The following CAPN10 variants were observed in gnomAD, a reference collection of about 807,000 sequenced individuals.
The protein encoded by CAPN10 is calpain-10.
A neutral mutation model predicts 78.4 loss-of-function variants in CAPN10; 71 were observed. The observed-to-expected ratio is 0.91, with a 90% CI of 0.75 to 1.10. The LOEUF is 1.10. Among genes scored for constraint, CAPN10 ranks in the 50% least tolerant of loss-of-function variants. CAPN10 has a pLI of 0.00. For missense variants in CAPN10, 849 were observed against 924.6 expected (o/e 0.92, Z 1.06); for synonymous variants, 437 against 407.2 (o/e 1.07, Z -0.88).
chr2:240,596,653 C>T lies in CAPN10; in HGVS notation c.1482-28C>T, dbSNP rs777520933. The T allele has an allele frequency of 8.8e-5, 134 of 1,530,652 alleles. 1 individual carries two copies. Among genetic ancestry groups the T allele is most frequent in the Non-Finnish European group, 1.1e-4 (128 of 1,139,260 alleles). 94.8% of individuals were successfully genotyped at this position (1,530,652 alleles called of 1,614,324 possible). On this transcript the variant is annotated intron_variant, in intron 8 of 11. Coordinates refer to ENST00000391984, the MANE Select transcript of CAPN10 (RefSeq NM_023083.4). ...GAGGCCACCGGGAACCTGCTGCCAG[C>T]GCCCTCCCATGTTTGTCTTCTTGGC...
intron 1 of CAPN10, among the ~76,000 whole-genome samples, chr2:240,588,803 C>T (rs895291455): frequency 1.1e-4 from 16 of 152,070 alleles, no homozygotes; most frequent in Non-Finnish European, 7.4e-5. Flanking sequence ...GGATTCTGCC[C>T]GGGGAGCTGG....
chr2:240,595,985 A>G (rs895486447), intron 7 of CAPN10: 5 of 1,395,492 alleles, frequency 3.6e-6, no homozygotes, highest in East Asian at 3.8e-5. Context: ...GATGTGGCCC[A>G]CATGATGTTC....
rs770561004 is a variant in CAPN10, at chr2:240,595,333, G to A, written c.1278+29G>A. 50 of 1,604,308 alleles carry A rather than the reference G, an allele frequency of 3.1e-5. No individual in the cohort carries two copies. The Middle Eastern group carries it at 2.6e-3, about 85-fold the overall frequency. On this transcript the variant is annotated intron_variant, in intron 7 of 11. Coordinates refer to ENST00000391984, the MANE Select transcript of CAPN10 (RefSeq NM_023083.4). ...ACTCAGCCCCGTCTGGCTCACGCTC[G>A]GTTCAGCAGGTGGTGTGGAGGCCCA...
chr2:240,590,389 A>G (rs1173043136), intron 2 of CAPN10: 1 of 156,840 alleles, frequency 6.4e-6, no homozygotes, highest in South Asian at 1.9e-4. Flanking sequence ...TGGGTCACTC[A>G]TGCCCTTGAA....
Position 240,598,729 on chromosome 2 carries a change from A to C in CAPN10, c.*49A>C. On this transcript the variant is annotated 3_prime_UTR_variant, in exon 12 of 12. Coordinates refer to ENST00000391984, the MANE Select transcript of CAPN10 (RefSeq NM_023083.4). ...CAGGTGACTGGAGCCCGAGGGCCTG[A>C]CAGGTTCCCAGCAGCTGGGCCGGCC... 6.5e-7 allele frequency: 1 copy of C among 1,533,732 alleles called. No individual in the cohort carries two copies. Among genetic ancestry groups the C allele is most frequent in the Non-Finnish European group, 8.9e-7 (1 of 1,129,284 alleles).
In CAPN10 at chr2:240,595,973, T is replaced by C. The variant is rs7607572; in HGVS notation, c.1279-346T>C. ...CACCACACTGTTCCCTGTCCCTTCATGGATGTGGCCCACATGATGTTCCTT... is the reference window on the plus strand; with the variant it reads ...CACCACACTGTTCCCTGTCCCTTCACGGATGTGGCCCACATGATGTTCCTT... On this transcript the variant is annotated intron_variant, in intron 7 of 11. Coordinates refer to ENST00000391984, the MANE Select transcript of CAPN10 (RefSeq NM_023083.4). The C allele has an allele frequency of 3.8e-3, 5,194 of 1,375,268 alleles. 146 individuals carry two copies. In the African/African-American group the frequency reaches 0.063, roughly 17 times the overall value. 85.2% of individuals were successfully genotyped at this position (1,375,268 alleles called of 1,614,324 possible). A position where few individuals can be genotyped will look rare whatever the true frequency, so the allele number is the denominator to read the frequency against.
chr2:240,592,267 G>A, intron 4 of CAPN10, 117 bp downstream of exon 4: 1 of 883,022 alleles, frequency 1.1e-6, no homozygotes, highest in South Asian at 1.6e-5. Flanking sequence ...GACTAAGTGG[G>A]AAGAAGTAAG....
chr2:240,590,849 A>G lies in CAPN10; in HGVS notation c.308A>G (p.Gln103Arg), dbSNP rs2093097323. 1 of 1,614,074 alleles carries G rather than the reference A, an allele frequency of 6.2e-7. No homozygotes were observed. The highest frequency in any genetic ancestry group is 8.5e-7 in the Non-Finnish European group (1 of 1,180,032). The change falls in exon 3 of 12, where the codon CAG (glutamine) becomes CGG (arginine). Residue 103 changes from glutamine (Q) to arginine (R), a missense_variant. By Grantham distance (43) the Gln-to-Arg change is conservative (BLOSUM62 1). Coordinates refer to ENST00000391984, the MANE Select transcript of CAPN10 (RefSeq NM_023083.4). ...CCGGGACAGCCGAGCTGGGCCGACC[A>G]GGAGTACCGGGGCTCCTTCACCTGT... ...IPPGQPSWADQEYRGSFTCRI... is the reference protein window; with the variant it reads ...IPPGQPSWADREYRGSFTCRI...
At position 240,598,638 on chromosome 2, in the gene CAPN10, T is replaced by C; in HGVS notation, c.1990-13T>C. 6.3e-7 allele frequency: 1 copy of C among 1,574,898 alleles called. No individual in the cohort carries two copies. The highest frequency in any genetic ancestry group is 8.6e-7 in the Non-Finnish European group (1 of 1,160,574). ...GTGCCACCGCTGCCCGGGCCCCCCA[T>C]CTGTCTTTGCAGGTCTCCATCATGG... On this transcript the variant is annotated splice_polypyrimidine_tract_variant and intron_variant, in intron 11 of 11. Coordinates refer to ENST00000391984, the MANE Select transcript of CAPN10 (RefSeq NM_023083.4).
intron 9 of CAPN10, among the ~76,000 whole-genome samples, chr2:240,597,632 G>A (rs1213329705): frequency 6.6e-6 from 1 of 152,210 alleles, no homozygotes; most frequent in Non-Finnish European, 1.5e-5. Context: ...CCTTGGGGCG[G>A]GCTGGGCAGT....
At chr2:240,596,062 C>A in intron 7 of CAPN10, 1 of 1,522,722 alleles carries the variant, frequency 6.6e-7, no homozygotes, top group Non-Finnish European at 8.8e-7. Flanking sequence ...GCCTGGGCCA[C>A]GGTGCCTTTG....
At chr2:240,597,064 C>T (rs543450407) in intron 9 of CAPN10, 122 bp downstream of exon 9, 70 of 1,235,252 alleles carry the variant, frequency 5.7e-5, no homozygotes, top group Admixed American at 1.8e-4. Context: ...CCCTGCCCTT[C>T]GAGGCGCTGC....
At chr2:240,592,244 A>C in intron 4 of CAPN10, 94 bp downstream of exon 4, 1 of 1,093,268 alleles carries the variant, frequency 9.1e-7, no homozygotes, top group Admixed American at 2.1e-5. Flanking sequence ...GACTGGCTAC[A>C]CAGCCCTGTC....
chr2:240,591,551 C>G (rs1559424068), intron 3 of CAPN10: 3 of 281,320 alleles, frequency 1.1e-5, no homozygotes, highest in Non-Finnish European at 2.0e-5. Context: ...CATGGGAAGG[C>G]TGGCTGGTGA....
intron 7 of CAPN10, chr2:240,596,037 A>T (rs769633341): frequency 1.3e-5 from 20 of 1,502,354 alleles, no homozygotes; most frequent in Non-Finnish European, 1.3e-5. Flanking sequence ...CCCACTGTCC[A>T]GCAGCCCCCA....
intron 7 of CAPN10, chr2:240,596,117 G>A (rs768799379): frequency 2.6e-6 from 4 of 1,527,180 alleles, no homozygotes; most frequent in Non-Finnish European, 3.5e-6. Flanking sequence ...GTCTGGGACA[G>A]ATACTGGCGC....
chr2:240,595,075 A>G lies in CAPN10; in HGVS notation c.1049A>G (p.Gln350Arg). The G allele has an allele frequency of 2.5e-6, 4 of 1,613,658 alleles. No individual in the cohort carries two copies. The highest frequency in any genetic ancestry group is 1.7e-4 in the Middle Eastern group (1 of 6,056). Reference sequence around the variant, plus strand: ...CTGCCTGGGGCCTGGGTCAAGGGCCAGTCAGCAGGAGGCTGCCGGAACAAC... The same window carrying G: ...CTGCCTGGGGCCTGGGTCAAGGGCCGGTCAGCAGGAGGCTGCCGGAACAAC... ...RALPGAWVKG[Q>R]SAGGCRNNSG... Residue 350 changes from glutamine (Q) to arginine (R), a missense_variant, in exon 7 of 12, where the codon CAG becomes CGG. Transcript: ENST00000391984.
intron 5 of CAPN10, 142 bp downstream of exon 5, chr2:240,594,189 A>T (rs2093120954): frequency 1.1e-6 from 1 of 915,916 alleles, no homozygotes. Context: ...TCGTGACACC[A>T]TGCTTGTCTT....
At position 240,595,252 on chromosome 2, in the gene CAPN10, C is replaced by T. The variant is rs867460893; in HGVS notation, c.1226C>T (p.Pro409Leu). Residue 409 changes from proline (P) to leucine (L), a missense_variant, in exon 7 of 12, where the codon CCA becomes CTA. Coordinates refer to ENST00000391984, the MANE Select transcript of CAPN10 (RefSeq NM_023083.4). ...LVGDSHTSWS[P>L]ASIPGKHYQA... ...GGTGACAGTCATACTTCGTGGAGCC[C>T]AGCGAGCATCCCGGGCAAGCACTAC... The T allele has an allele frequency of 2.5e-6, 4 of 1,613,634 alleles. No homozygotes were observed. The highest frequency in any genetic ancestry group is 3.4e-6 in the Non-Finnish European group (4 of 1,180,030).
Sources: allele counts gnomAD v4.1 joint callset (sites outside exome capture counted in the v4.1 genomes callset), GRCh38; gene constraint gnomAD v4.1.1; transcripts MANE v1.5; gene names NCBI Gene and HGNC (gene_info 2026-07-23, HGNC 2026-07-21).